HUWE1: variants seen among roughly 807,000 people sequenced by gnomAD.
HUWE1 encodes E3 ubiquitin-protein ligase HUWE1.
HUWE1 carries 18 observed loss-of-function variants against 299.4 expected under a neutral mutation model. The ratio of observed to expected loss-of-function variants is 0.06; its 90% CI spans 0.04 to 0.09. The LOEUF is 0.09. Among genes scored for constraint, HUWE1 ranks in the 10% least tolerant of loss-of-function variants. HUWE1 has a pLI of 1.00. For missense variants in HUWE1, 1,832 were observed against 3,462.3 expected, an observed-to-expected ratio of 0.53 and a Z score of 11.82; for synonymous variants, 1,317 against 1,286.1, an observed-to-expected ratio of 1.02 and a Z score of -0.51.
intron 3 of HUWE1, among the ~76,000 whole-genome samples, chrX:53,673,230 T>C (rs2069646552): frequency 9.0e-6 from 1 of 111,535 alleles, no homozygotes; most frequent in South Asian, 3.8e-4. Context: ...AAGCAATTCA[T>C]TGTACTGATT....
At chrX:53,595,947 T>A (rs2064436420) in intron 29 of HUWE1, among the ~76,000 whole-genome samples, 2 of 111,953 alleles carry the variant, frequency 1.8e-5, no homozygotes, top group Admixed American at 9.5e-5. Context: ...TTTCAATATA[T>A]AATTCAACAA....
At chrX:53,658,470 TAAGAC>T (rs2068850059) in intron 3 of HUWE1, among the ~76,000 whole-genome samples, 1 of 111,588 alleles carries the variant, frequency 9.0e-6, no homozygotes, top group African/African-American at 3.3e-5. Flanking sequence ...AGTCTTATCA[TAAGAC>T]AACAGTAAGT....
intron 69 of HUWE1, 43 bp from the exon 70 acceptor site, chrX:53,546,635 C>G (rs1272667769): frequency 1.7e-6 from 2 of 1,209,339 alleles, no homozygotes; most frequent in Admixed American, 4.3e-5. Context: ...AGCCTGAGAA[C>G]AAAATCATTA....
intron 81 of HUWE1, among the ~76,000 whole-genome samples, chrX:53,534,988 G>C (rs1371968249): frequency 1.8e-5 from 2 of 108,999 alleles, no homozygotes; most frequent in African/African-American, 6.7e-5. Flanking sequence ...CCAGGCTGGA[G>C]AAGAGTGGTG....
intron 40 of HUWE1, among the ~76,000 whole-genome samples, 171 bp downstream of exon 40, chrX:53,584,841 A>G (rs1297252007): frequency 1.8e-5 from 2 of 111,975 alleles, no homozygotes; most frequent in African/African-American, 6.5e-5. Context: ...CCACACTGGA[A>G]GAAGAATTGT....
chrX:53,643,452 C>T (rs1051395936), intron 7 of HUWE1, among the ~76,000 whole-genome samples: 23 of 110,626 alleles, frequency 2.1e-4, no homozygotes, highest in Non-Finnish European at 7.6e-5. Flanking sequence ...CGGGTTCAAG[C>T]GATTCTCCTG....
intron 82 of HUWE1, 60 bp downstream of exon 82, chrX:53,534,456 C>CA: frequency 9.5e-7 from 1 of 1,051,643 alleles, no homozygotes; most frequent in African/African-American, 1.9e-5. Context: ...TGGTATCACA[C>CA]AAACTAGCGT....
intron 3 of HUWE1, among the ~76,000 whole-genome samples, chrX:53,655,278 A>G (rs2068692096): frequency 9.1e-6 from 1 of 110,458 alleles, no homozygotes; most frequent in East Asian, 2.8e-4. Context: ...GACCAATTAC[A>G]GTATAAATTT....
chrX:53,542,112 G>A (rs782038585), intron 74 of HUWE1, among the ~76,000 whole-genome samples: 2 of 111,981 alleles, frequency 1.8e-5, no homozygotes, highest in Non-Finnish European at 3.8e-5. Flanking sequence ...GAACCCAGGA[G>A]GCAGAGGTTG....
chrX:53,639,403 T>C (rs1338191392), intron 7 of HUWE1, among the ~76,000 whole-genome samples: 1 of 111,501 alleles, frequency 9.0e-6, no homozygotes, highest in Non-Finnish European at 1.9e-5. Flanking sequence ...ATAACAAATA[T>C]AAGCATGCAT....
intron 23 of HUWE1, among the ~76,000 whole-genome samples, chrX:53,610,989 T>C: frequency 2.7e-5 from 3 of 109,695 alleles, no homozygotes; most frequent in East Asian, 5.7e-4. Flanking sequence ...GATCAAACAA[T>C]TCAGAAGGCA....
At chrX:53,653,362 G>GC (rs1371912304) in intron 4 of HUWE1, among the ~76,000 whole-genome samples, 2 of 111,486 alleles carry the variant, frequency 1.8e-5, no homozygotes, top group Non-Finnish European at 3.8e-5. Flanking sequence ...TGGAAACCAG[G>GC]CAAGTTAATA....
chrX:53,606,417 T>G (rs191694900), intron 25 of HUWE1, among the ~76,000 whole-genome samples: 2 of 112,221 alleles, frequency 1.8e-5, no homozygotes, highest in East Asian at 5.5e-4. Flanking sequence ...TGAGATACAC[T>G]TCCTACCCAC....
rs1556910173 is a variant in HUWE1, at chrX:53,534,602, G to A, written c.12745C>T (p.Leu4249=). Residue 4249 remains leucine, a synonymous_variant, in exon 82 of 84, where the codon CTG becomes TTG. Transcript: ENST00000262854. ...ISIFTEQELE[L]LISGLPTIDI... is the part of the protein sequence containing the mutation. ...ATGGTGGGCAGTCCTGATATAAGCA[G>A]CTCTAACTCCTGCTCAGTGAAGATG... 8.3e-7 allele frequency: 1 copy of A among 1,210,067 alleles called. No individual in the cohort carries two copies. Among genetic ancestry groups the A allele is most frequent in the Non-Finnish European group, 1.1e-6 (1 of 894,057 alleles).
chrX:53,560,054 A>G lies in HUWE1; in HGVS notation c.7736+134T>C, dbSNP rs1304532222. On this transcript the variant is annotated intron_variant, in intron 56 of 83. Transcript: ENST00000262854. ...ACACATGTAATCCACAAAGAAATGG[A>G]ACAAATACCTTATTTGTGTGTATGA... 3 of 601,094 alleles carry G rather than the reference A, an allele frequency of 5.0e-6. No homozygotes were observed. The African/African-American group carries it at 6.7e-5, about 13-fold the overall frequency. The allele number at this position is 601,094 out of a possible 1,213,427, so 49.5% of individuals were successfully genotyped here. A position where few individuals can be genotyped will look rare whatever the true frequency, so the allele number is the denominator to read the frequency against.
chrX:53,603,376 G>A lies in HUWE1; in HGVS notation c.2868C>T (p.Thr956=), dbSNP rs1220092446. Residue 956 remains threonine (T), a synonymous_variant, in exon 27 of 84, where the codon ACC becomes ACT. Transcript: ENST00000262854. ...GAGAGCCATTCTCTTACCTGTTTGG[G>A]GTACACAGAGAGAGGAGGACAGTGC... ...WESTVLLSLC[T]PNSLPSGCEF... The A allele has an allele frequency of 8.3e-7, 1 of 1,208,449 alleles. No individual in the cohort carries two copies. Among genetic ancestry groups the A allele is most frequent in the Non-Finnish European group, 1.1e-6 (1 of 893,292 alleles).
intron 3 of HUWE1, among the ~76,000 whole-genome samples, chrX:53,655,107 T>A (rs189689875): frequency 4.2e-4 from 47 of 110,742 alleles, no homozygotes; most frequent in Non-Finnish European, 4.0e-4. Context: ...CAAGAAGAAA[T>A]AAGTTTCTCC....
In HUWE1 at chrX:53,625,110, TGAGA is replaced by T. The variant is rs782380499; in HGVS notation, c.1591+43_1591+46del. On this transcript the variant is annotated intron_variant, in intron 18 of 83. Transcript: ENST00000262854. ...GAATAGTATGAAAAGAACCAATCTT[TGAGA>T]GAGTAAAATATCCTCCAAAAAAAGT... 5 of 824,894 alleles carry T rather than the reference TGAGA, an allele frequency of 6.1e-6. No homozygotes were observed. In the South Asian group the frequency reaches 1.0e-4, roughly 17 times the overall value. 68.0% of individuals were successfully genotyped at this position (824,894 alleles called of 1,213,427 possible). A position where few individuals can be genotyped will look rare whatever the true frequency, so the allele number is the denominator to read the frequency against.
intron 7 of HUWE1, among the ~76,000 whole-genome samples, chrX:53,641,438 T>C (rs1477151299): frequency 2.7e-5 from 3 of 112,021 alleles, no homozygotes; most frequent in Non-Finnish European, 5.6e-5. Context: ...GAAAGGGAAT[T>C]ATTTCACAAA....
Sources: allele counts gnomAD v4.1 joint callset (sites outside exome capture counted in the v4.1 genomes callset), GRCh38; gene constraint gnomAD v4.1.1; transcripts MANE v1.5; gene names NCBI Gene and HGNC (gene_info 2026-07-23, HGNC 2026-07-21).